Variants in COQ8B observed in about 807,000 individuals in gnomAD.
COQ8B encodes atypical kinase COQ8B, mitochondrial.
Under a neutral mutation model 62.0 loss-of-function variants are expected in COQ8B, and 44 were observed. The observed-to-expected ratio is 0.71, with a 90% CI of 0.56 to 0.91. The LOEUF is 0.91. Ranked by LOEUF, COQ8B falls within the 40% of genes least tolerant of loss-of-function variation. COQ8B has a pLI of 0.00. For synonymous variants in COQ8B, 252 were observed against 289.9 expected (o/e 0.87, Z 1.33); for missense variants, 649 against 731.6 (o/e 0.89, Z 1.30).
At chr19:40,695,915 T>G in intron 13 of COQ8B, 74 bp downstream of exon 13, 1 of 1,468,382 alleles carries the variant, frequency 6.8e-7, no homozygotes, top group African/African-American at 1.4e-5. Context: ...GCATTTCGCC[T>G]TCTTACTCCT....
rs143864117 is a variant in COQ8B, at chr19:40,704,917, G to C, written c.576+179C>G. ...TGAAGCACAGAGAGGTCAGGCTGCT[G>C]TTCCCTGTTTTAATCACCACAGCAA... On this transcript the variant is annotated intron_variant, in intron 7 of 14. Coordinates refer to ENST00000324464, the MANE Select transcript of COQ8B (RefSeq NM_024876.4). 990 of 609,342 alleles carry C rather than the reference G, an allele frequency of 1.6e-3. 12 individuals carry two copies. The Admixed American group carries it at 0.022, about 13-fold the overall frequency. The allele number at this position is 609,342 out of a possible 1,614,324, so 37.7% of individuals were successfully genotyped here.
rs146525744 is a variant in COQ8B, at chr19:40,714,500, C to G, written c.102+31G>C. 177 of 1,613,854 alleles carry G rather than the reference C, an allele frequency of 1.1e-4. No individual in the cohort carries two copies. In the Middle Eastern group the frequency reaches 1.8e-3, roughly 17 times the overall value. ...CCTCTGAAGTCTCCCTCAGCCTCTTCCCCTTGGGGACCTGCTCCCTAGCCT... is the reference window on the plus strand; with the variant it reads ...CCTCTGAAGTCTCCCTCAGCCTCTTGCCCTTGGGGACCTGCTCCCTAGCCT... On this transcript the variant is annotated intron_variant, in intron 2 of 14. Transcript: ENST00000324464.
chr19:40,711,776 C>A (rs1162558713), intron 4 of COQ8B, among the ~76,000 whole-genome samples: 1 of 152,194 alleles, frequency 6.6e-6, no homozygotes, highest in African/African-American at 2.4e-5. Flanking sequence ...CCAGTGCCTT[C>A]TGTGCACTTA....
At position 40,716,837 on chromosome 19, in the gene COQ8B, G is replaced by A. The variant is rs1172530944; in HGVS notation, c.-254C>T. 9 of 193,876 alleles carry A rather than the reference G, an allele frequency of 4.6e-5. No individual in the cohort carries two copies. The highest frequency in any genetic ancestry group is 1.6e-4 in the African/African-American group (7 of 42,892). 12.0% of individuals were successfully genotyped at this position (193,876 alleles called of 1,614,324 possible). Reference sequence around the variant, plus strand: ...GAGGGGGCCCACTGGCGCGCCACCAGGACCCCGGTGCCCTAGATGCATACC... The same window carrying A: ...GAGGGGGCCCACTGGCGCGCCACCAAGACCCCGGTGCCCTAGATGCATACC... On this transcript the variant is annotated 5_prime_UTR_variant, in exon 1 of 15. Coordinates refer to ENST00000324464, the MANE Select transcript of COQ8B (RefSeq NM_024876.4).
intron 2 of COQ8B, 50 bp from the exon 3 acceptor site, chr19:40,714,447 C>A: frequency 6.2e-7 from 1 of 1,612,468 alleles, no homozygotes; most frequent in Non-Finnish European, 8.5e-7. Flanking sequence ...GATCACCTGG[C>A]CCTTCTGGAC....
Position 40,711,336 on chromosome 19 carries a change from A to G in COQ8B, c.290-1200T>C, listed in dbSNP as rs113221048. ...AGCCTCAAATTCCTGAGCTCAAGTG[A>G]TCCTCTTCCCTCAGCCTCCTGAGTA... On this transcript the variant is annotated intron_variant, in intron 4 of 14. Transcript: ENST00000324464. 2.0e-3 allele frequency among the ~76,000 whole-genome samples: 305 copies of G among 151,810 alleles called. 1 individual carries two copies. Among genetic ancestry groups the G allele is most frequent in the African/African-American group, 7.1e-3 (293 of 41,378 alleles).
Position 40,692,248 on chromosome 19 carries a change from C to T in COQ8B, c.1422G>A (p.Leu474=), listed in dbSNP as rs1458894943. 1 of 1,612,496 alleles carries T rather than the reference C, an allele frequency of 6.2e-7. No individual in the cohort carries two copies. The highest frequency in any genetic ancestry group is 8.5e-7 in the Non-Finnish European group (1 of 1,179,326). The change falls in exon 15 of 15, where the codon CTG becomes CTA. Residue 474 remains leucine, a synonymous_variant. Transcript: ENST00000324464. ...CGGGTGGGGGACACAGCCGGTGCCG[C>T]AGCAGCACCGGGATGAGGTCCTGTA... ...RRIQDLIPVL[L]RHRLCPPPEE...
chr19:40,714,514 G>A lies in COQ8B; in HGVS notation c.102+17C>T. 1 of 1,613,694 alleles carries A rather than the reference G, an allele frequency of 6.2e-7. No individual in the cohort carries two copies. Among genetic ancestry groups the A allele is most frequent in the Non-Finnish European group, 8.5e-7 (1 of 1,179,736 alleles). ...CTCAGCCTCTTCCCCTTGGGGACCT[G>A]CTCCCTAGCCTCTTACCCAGCGGTG... On this transcript the variant is annotated intron_variant, in intron 2 of 14. Coordinates refer to ENST00000324464, the MANE Select transcript of COQ8B (RefSeq NM_024876.4).
At position 40,716,671 on chromosome 19, in the gene COQ8B, G is replaced by A. The variant is rs558860207; in HGVS notation, c.-88C>T. On this transcript the variant is annotated 5_prime_UTR_variant, in exon 1 of 15. Coordinates refer to ENST00000324464, the MANE Select transcript of COQ8B (RefSeq NM_024876.4). ...GGAAGGTCTCGAACCCACACCCGTG[G>A]GAACTCCAAGTCTTTGAAAGTCCGT... 6.6e-6 allele frequency: 1 copy of A among 152,386 alleles called. No individual in the cohort carries two copies. The highest frequency in any genetic ancestry group is 1.5e-5 in the Non-Finnish European group (1 of 68,134). The allele number at this position is 152,386 out of a possible 1,614,324, so 9.4% of individuals were successfully genotyped here.
intron 4 of COQ8B, 27 bp downstream of exon 4, chr19:40,714,040 A>C (rs760101795): frequency 6.2e-7 from 1 of 1,613,416 alleles, no homozygotes; most frequent in Non-Finnish European, 8.5e-7. Context: ...TTGAGGTCAC[A>C]CCAAGATCCC....
At chr19:40,696,714 C>G (rs544165593) in intron 12 of COQ8B, among the ~76,000 whole-genome samples, 1 of 151,570 alleles carries the variant, frequency 6.6e-6, no homozygotes, top group Admixed American at 6.6e-5. Flanking sequence ...CTGTGTATCC[C>G]GCCCTGATCA....
rs55899516 is a variant in COQ8B at position 40,700,392 on chromosome 19, G to A, written c.953C>T (p.Thr318Met). The change falls in exon 11 of 15, where the codon ACG becomes ATG. Residue 318 changes from threonine (T) to methionine (M), a missense_variant. Physicochemically the swap from Thr to Met is moderately conservative, Grantham distance 81. Coordinates refer to ENST00000324464, the MANE Select transcript of COQ8B (RefSeq NM_024876.4). ...RVPAVVKELC[T>M]TRVLGMELAG... ...CAGCTCCATGCCCAGCACCCGTGTC[G>A]TGCACAGCTCCTTAACCACGGCTGG... 697 of 1,614,146 alleles carry A rather than the reference G, an allele frequency of 4.3e-4. 1 individual carries two copies. Among genetic ancestry groups the A allele is most frequent in the Non-Finnish European group, 5.4e-4 (639 of 1,180,028 alleles).
intron 12 of COQ8B, among the ~76,000 whole-genome samples, chr19:40,696,881 G>A (rs2082018924): frequency 6.6e-6 from 1 of 152,128 alleles, no homozygotes; most frequent in Admixed American, 6.6e-5. Context: ...TCACAGAAGT[G>A]GTATTTACTG....
intron 10 of COQ8B, 74 bp downstream of exon 10, chr19:40,702,523 CAGA>C (rs1377807241): frequency 5.0e-6 from 7 of 1,403,878 alleles, no homozygotes; most frequent in Non-Finnish European, 7.0e-6. Context: ...CTCCAGCTGC[CAGA>C]AGCTGAGGGG....
At position 40,693,049 on chromosome 19, in the gene COQ8B, G is replaced by A; in HGVS notation, c.1210-12C>T. ...GCAGCCTTCACCACCTGGGGAGACG[G>A]GTGGGAGTTAGAGGGACAAAGGCCG... is the stretch of plus-strand genomic sequence containing the variant. On this transcript the variant is annotated splice_polypyrimidine_tract_variant and intron_variant, in intron 13 of 14. Coordinates refer to ENST00000324464, the MANE Select transcript of COQ8B (RefSeq NM_024876.4). 6.2e-7 allele frequency: 1 copy of A among 1,612,866 alleles called. No homozygotes were observed.
chr19:40,697,837 T>TAGAG (rs1372063480), intron 12 of COQ8B, among the ~76,000 whole-genome samples: 1 of 49,092 alleles, frequency 2.0e-5, no homozygotes, highest in African/African-American at 1.0e-4. Context: ...TATATATATA[T>TAGAG]ATATATATAT....
chr19:40,711,090 C>T (rs1186777632), intron 4 of COQ8B, among the ~76,000 whole-genome samples: 1 of 149,610 alleles, frequency 6.7e-6, no homozygotes, highest in Non-Finnish European at 1.5e-5. Flanking sequence ...GAGATCACAC[C>T]ATTGCACTCC....
At chr19:40,707,500 G>A (rs931807135) in intron 5 of COQ8B, among the ~76,000 whole-genome samples, 1 of 151,518 alleles carries the variant, frequency 6.6e-6, no homozygotes, top group Non-Finnish European at 1.5e-5. Flanking sequence ...TCCAAGGCTG[G>A]AGTACAATGG....
chr19:40,696,191 G>T lies in COQ8B; in HGVS notation c.1144-137C>A, dbSNP rs1166063271. 3.3e-6 allele frequency: 3 copies of T among 920,260 alleles called. No homozygotes were observed. In the Admixed American group the frequency reaches 6.1e-5, roughly 19 times the overall value. The allele number at this position is 920,260 out of a possible 1,614,324, so 57.0% of individuals were successfully genotyped here. On this transcript the variant is annotated intron_variant, in intron 12 of 14. Transcript: ENST00000324464. ...AGTCCCTGCCTGGCTGCCTCACTGG[G>T]CTCCTGGCCTCATCTCCCGTTTCCA... is the stretch of plus-strand genomic sequence containing the variant.
Sources: allele counts gnomAD v4.1 joint callset (sites outside exome capture counted in the v4.1 genomes callset), GRCh38; gene constraint gnomAD v4.1.1; transcripts MANE v1.5; gene names NCBI Gene and HGNC (gene_info 2026-07-23, HGNC 2026-07-21).